The following ZFHX3 variants were observed in gnomAD, a reference collection of about 807,000 sequenced individuals.
The protein encoded by ZFHX3 is zinc finger homeobox 3.
A neutral mutation model predicts 279.1 loss-of-function variants in ZFHX3; 42 were observed. The observed-to-expected ratio is 0.15, with a 90% CI of 0.12 to 0.19. The LOEUF is 0.19. ZFHX3 is among the 10% of genes least tolerant of loss of function. ZFHX3 has a pLI of 1.00. For missense variants in ZFHX3, 4,981 were observed against 4,754.0 expected, an observed-to-expected ratio of 1.05 and a Z score of -1.40; for synonymous variants, 2,293 against 1,957.8, an observed-to-expected ratio of 1.17 and a Z score of -4.52.
chr16:73,244,633 A>AT (rs1215223008), intron 5 of ZFHX3, among the ~76,000 whole-genome samples: 3 of 152,238 alleles, frequency 2.0e-5, no homozygotes, highest in African/African-American at 7.2e-5. Context: ...GCTCATGGCC[A>AT]TACCAGCCCC....
intron 4 of ZFHX3, among the ~76,000 whole-genome samples, chr16:73,290,556 A>T (rs1463711572): frequency 1.3e-5 from 2 of 152,174 alleles, no homozygotes; most frequent in African/African-American, 4.8e-5. Context: ...GGTTTCCAGA[A>T]GGAATAGAGG....
chr16:73,747,224 T>C (rs919152448), intron 1 of ZFHX3, among the ~76,000 whole-genome samples: 2 of 151,984 alleles, frequency 1.3e-5, no homozygotes, highest in African/African-American at 2.4e-5. Context: ...CTATTAAAAA[T>C]ATAATAAAAA....
At chr16:73,221,165 G>T (rs2144920475) in intron 5 of ZFHX3, among the ~76,000 whole-genome samples, 1 of 152,272 alleles carries the variant, frequency 6.6e-6, no homozygotes, top group African/African-American at 2.4e-5. Context: ...GACCTCTGTA[G>T]AAGACTGAGC....
intron 1 of ZFHX3, among the ~76,000 whole-genome samples, chr16:73,867,134 G>C (rs1206437034): frequency 6.6e-6 from 1 of 152,084 alleles, no homozygotes; most frequent in African/African-American, 2.4e-5. Flanking sequence ...ACTGAGACGG[G>C]GGCCAGAGGG....
chr16:73,415,937 T>C (rs1193245092), intron 3 of ZFHX3, among the ~76,000 whole-genome samples: 1 of 151,908 alleles, frequency 6.6e-6, no homozygotes. Flanking sequence ...CTGGCCAACA[T>C]GGTGAAACCC....
intron 2 of ZFHX3, among the ~76,000 whole-genome samples, chr16:73,549,560 T>C (rs112785502): frequency 0.021 from 3,153 of 152,320 alleles, 47 homozygotes; most frequent in Non-Finnish European, 0.029. Context: ...TTTAAAACTA[T>C]TTCAAGCCTT....
At chr16:73,598,676 AC>A (rs2052078954) in intron 2 of ZFHX3, among the ~76,000 whole-genome samples, 1 of 151,864 alleles carries the variant, frequency 6.6e-6, no homozygotes, top group Admixed American at 6.6e-5. Context: ...CATCTCAGAC[AC>A]CAAATGTGTT....
intron 1 of ZFHX3, among the ~76,000 whole-genome samples, chr16:73,745,189 T>A (rs1003083166): frequency 1.3e-5 from 2 of 152,192 alleles, no homozygotes; most frequent in East Asian, 3.9e-4. Context: ...TTCTTGATAT[T>A]TGAGAGACCT....
chr16:73,697,226 T>A (rs933569783), intron 1 of ZFHX3, among the ~76,000 whole-genome samples: 4 of 152,144 alleles, frequency 2.6e-5, no homozygotes, highest in African/African-American at 9.7e-5. Context: ...TCTTTTTTTT[T>A]TTTTTTAGCA....
intron 3 of ZFHX3, among the ~76,000 whole-genome samples, chr16:73,447,925 C>T (rs183036393): frequency 1.3e-5 from 2 of 152,230 alleles, no homozygotes; most frequent in African/African-American, 4.8e-5. Flanking sequence ...ACCTTAAAAG[C>T]ATTGAGGAGT....
chr16:72,953,359 G>A (rs915923064), intron 2 of ZFHX3, among the ~76,000 whole-genome samples: 1 of 151,760 alleles, frequency 6.6e-6, no homozygotes, highest in African/African-American at 2.4e-5. Flanking sequence ...GCAACATCCA[G>A]GAAACATACT....
At chr16:73,768,110 C>A (rs774736530) in intron 1 of ZFHX3, among the ~76,000 whole-genome samples, 6 of 152,182 alleles carry the variant, frequency 3.9e-5, no homozygotes, top group Non-Finnish European at 8.8e-5. Context: ...TGGCCACTTA[C>A]TGTGGAATAA....
chr16:73,561,250 C>T (rs769870992), intron 2 of ZFHX3, among the ~76,000 whole-genome samples: 12 of 152,212 alleles, frequency 7.9e-5, no homozygotes, highest in Non-Finnish European at 1.3e-4. Flanking sequence ...AGGCAGGTAA[C>T]GTTTTAAGTT....
intron 3 of ZFHX3, among the ~76,000 whole-genome samples, chr16:72,926,447 A>T (rs1057109546): frequency 6.6e-6 from 1 of 152,216 alleles, no homozygotes; most frequent in Non-Finnish European, 1.5e-5. Context: ...TTTAAAAATG[A>T]ATTACAGAAT....
intron 3 of ZFHX3, among the ~76,000 whole-genome samples, chr16:72,920,451 C>T (rs919372615): frequency 8.6e-5 from 13 of 151,190 alleles, no homozygotes; most frequent in Admixed American, 4.0e-4. Context: ...GAGGCCAAGG[C>T]GGTGGATCAC....
intron 1 of ZFHX3, among the ~76,000 whole-genome samples, chr16:73,860,514 C>A: frequency 6.6e-6 from 1 of 151,724 alleles, no homozygotes; most frequent in Non-Finnish European, 1.5e-5. Flanking sequence ...TGACTTTGGT[C>A]TCCAACATGT....
chr16:73,365,859 G>T (rs766455102), intron 3 of ZFHX3, among the ~76,000 whole-genome samples: 17 of 152,174 alleles, frequency 1.1e-4, no homozygotes, highest in African/African-American at 4.1e-4. Context: ...AATGTTCCAG[G>T]CAACGGAACC....
chr16:73,559,345 G>A (rs572883123), intron 2 of ZFHX3, among the ~76,000 whole-genome samples: 3 of 152,156 alleles, frequency 2.0e-5, no homozygotes, highest in East Asian at 1.9e-4. Context: ...ACCACACCCC[G>A]TCTCCCAGCA....
At chr16:73,148,751 A>C (rs1966881035) in intron 5 of ZFHX3, among the ~76,000 whole-genome samples, 1 of 151,518 alleles carries the variant, frequency 6.6e-6, no homozygotes, top group South Asian at 2.1e-4. Context: ...GTTCAAGATC[A>C]GCCTGGCCAA....
Sources: gnomAD v4.1 joint callset for allele counts (sites outside exome capture counted in the v4.1 genomes callset) on GRCh38, gnomAD v4.1.1 for gene constraint, MANE v1.5 for transcripts, NCBI Gene and HGNC (gene_info 2026-07-23, HGNC 2026-07-21) for gene names.